Variants in ALMS1 observed in about 807,000 individuals in gnomAD.
ALMS1 encodes centrosome-associated protein ALMS1.
In ALMS1, 271 loss-of-function variants were observed where a neutral mutation model predicts 352.2. That is an observed-to-expected ratio of 0.77 (90% confidence interval 0.70 to 0.85). The LOEUF (loss-of-function observed/expected upper bound fraction) is 0.85. ALMS1 is among the 40% of genes least tolerant of loss of function. The pLI is 0.00. For synonymous variants in ALMS1, 1,865 were observed against 1,761.2 expected (o/e 1.06, Z -1.48); for missense variants, 5,445 against 4,870.7 (o/e 1.12, Z -3.51).
At chr2:73,595,271 T>A (rs1042245452) in intron 16 of ALMS1, among the ~76,000 whole-genome samples, 1 of 152,210 alleles carries the variant, frequency 6.6e-6, no homozygotes, top group African/African-American at 2.4e-5. Flanking sequence ...CAAAATCCAG[T>A]TTTAGAACAT....
At chr2:73,464,231 A>G (rs527714066) in intron 9 of ALMS1, among the ~76,000 whole-genome samples, 15 of 152,278 alleles carry the variant, frequency 9.9e-5, no homozygotes, top group South Asian at 4.1e-4. Context: ...GCAGCACATC[A>G]AAAAGCTTAT....
intron 2 of ALMS1, among the ~76,000 whole-genome samples, chr2:73,417,951 C>G (rs978031906): frequency 6.6e-6 from 1 of 152,134 alleles, no homozygotes; most frequent in Non-Finnish European, 1.5e-5. Context: ...TGTTACTGGT[C>G]TGTCAAGAGG....
chr2:73,589,624 T>G (rs146116503), intron 16 of ALMS1, among the ~76,000 whole-genome samples: 1 of 152,252 alleles, frequency 6.6e-6, no homozygotes. Context: ...ATTTTTGTTA[T>G]GTTGGCTAAG....
intron 5 of ALMS1, among the ~76,000 whole-genome samples, chr2:73,425,145 G>A (rs998735465): frequency 1.3e-5 from 2 of 152,120 alleles, no homozygotes; most frequent in African/African-American, 2.4e-5. Context: ...GGAAAGAAGA[G>A]GAAAAGGGGT....
intron 17 of ALMS1, among the ~76,000 whole-genome samples, 153 bp downstream of exon 17, chr2:73,599,674 T>C (rs976094016): frequency 2.0e-5 from 3 of 152,218 alleles, no homozygotes; most frequent in African/African-American, 7.2e-5. Context: ...AAATTCAAGT[T>C]TGATGGCAAG....
At chr2:73,387,266 A>G (rs558621155) in intron 1 of ALMS1, among the ~76,000 whole-genome samples, 1 of 152,360 alleles carries the variant, frequency 6.6e-6, no homozygotes, top group South Asian at 2.1e-4. Flanking sequence ...TGCTAAGGAA[A>G]GCTTGGTGAA....
chr2:73,528,431 G>T (rs954507030), intron 11 of ALMS1, among the ~76,000 whole-genome samples: 2 of 152,178 alleles, frequency 1.3e-5, no homozygotes, highest in African/African-American at 4.8e-5. Context: ...TATATTTACA[G>T]TTGTTATATC....
chr2:73,426,682 G>GT (rs1671386388), intron 6 of ALMS1, 129 bp downstream of exon 6: 3 of 911,928 alleles, frequency 3.3e-6, no homozygotes, highest in Non-Finnish European at 5.2e-6. Context: ...CATTTGACTG[G>GT]TGAGTACATT....
intron 1 of ALMS1, among the ~76,000 whole-genome samples, chr2:73,387,949 G>A (rs1359266734): frequency 1.3e-5 from 2 of 152,194 alleles, no homozygotes; most frequent in African/African-American, 4.8e-5. Context: ...GGATGTGAAA[G>A]GTGAAGTAGC....
chr2:73,461,416 TA>T (rs1672198473), intron 9 of ALMS1, among the ~76,000 whole-genome samples: 1 of 152,102 alleles, frequency 6.6e-6, no homozygotes, highest in Non-Finnish European at 1.5e-5. Flanking sequence ...GAAGGAAAAC[TA>T]ACAAACAGAA....
intron 7 of ALMS1, among the ~76,000 whole-genome samples, chr2:73,441,544 T>C (rs541294355): frequency 1.3e-5 from 2 of 152,304 alleles, no homozygotes; most frequent in East Asian, 3.9e-4. Context: ...TCTTGGTCCA[T>C]GGCCCACAGA....
intron 2 of ALMS1, among the ~76,000 whole-genome samples, chr2:73,415,510 T>C (rs959942311): frequency 2.0e-5 from 3 of 152,130 alleles, no homozygotes; most frequent in Non-Finnish European, 4.4e-5. Flanking sequence ...ATGGGGATTG[T>C]AGATCTGGTG....
rs1311871252 is a variant in ALMS1, at chr2:73,451,542, T to C, written c.5015T>C (p.Val1672Ala). The C allele has an allele frequency of 2.5e-6, 4 of 1,613,820 alleles. No homozygotes were observed. The highest frequency in any genetic ancestry group is 1.7e-5 in the Admixed American group (1 of 59,992). Reference sequence around the variant, plus strand: ...AGCTACTCAAATAGGGGGAAGCCTGTCATTTTCTACCAGCAGACCCTATCA... The same window carrying C: ...AGCTACTCAAATAGGGGGAAGCCTGCCATTTTCTACCAGCAGACCCTATCA... ...STSYSNRGKP[V>A]IFYQQTLSDS... is the part of the protein sequence containing the mutation. The change falls in exon 8 of 23, where the codon GTC (valine) becomes GCC (alanine). Residue 1672 changes from valine to alanine, a missense_variant. Transcript: ENST00000613296.
In ALMS1 at chr2:73,453,041, C is replaced by G; in HGVS notation, c.6514C>G (p.Leu2172Val). 6.2e-7 allele frequency: 1 copy of G among 1,613,738 alleles called. No individual in the cohort carries two copies. The highest frequency in any genetic ancestry group is 1.3e-5 in the African/African-American group (1 of 75,038). ...AGATGCTCTAAAGATCTCAAGTGCT[C>G]TTGGGCAAGCTGATCAAATTACCGG... ...TEDALKISSA[L>V]GQADQITGLQ... Residue 2172 changes from leucine (L) to valine (V), a missense_variant, in exon 8 of 23, where the codon CTT becomes GTT. Coordinates refer to ENST00000613296, the MANE Select transcript of ALMS1 (RefSeq NM_001378454.1).
intron 13 of ALMS1, among the ~76,000 whole-genome samples, chr2:73,552,389 A>G (rs1262758713): frequency 1.3e-5 from 2 of 152,238 alleles, no homozygotes; most frequent in Non-Finnish European, 2.9e-5. Context: ...CGTGTTTTCC[A>G]CTATCCATAT....
chr2:73,491,555 A>G (rs1200062484), intron 10 of ALMS1, 57 bp downstream of exon 10: 1 of 1,571,092 alleles, frequency 6.4e-7, no homozygotes. Context: ...AAGGGTTTCA[A>G]ATACTTAAGT....
rs186365919 is a variant in ALMS1, at chr2:73,504,652, A to G, written c.9539+13154A>G. Among the ~76,000 whole-genome samples, 173 of 152,264 alleles carry G rather than the reference A, an allele frequency of 1.1e-3. 1 individual carries two copies. The highest frequency in any genetic ancestry group is 3.5e-3 in the African/African-American group (146 of 41,544). On this transcript the variant is annotated intron_variant, in intron 10 of 22. Coordinates refer to ENST00000613296, the MANE Select transcript of ALMS1 (RefSeq NM_001378454.1). ...GTCAGCATTCCATTATTTGGAATTT[A>G]TACAGTATGTTTATCCATTCACCTG...
Position 73,473,368 on chromosome 2 carries a change from A to AAC in ALMS1, c.7675-16264_7675-16263dup, listed in dbSNP as rs1177153054. ...GAGCACAGACTTCAGTTCCATGCAC[A>AAC]ACAAAGAATGTAAGCTTTATGAAAT... On this transcript the variant is annotated intron_variant, in intron 9 of 22. Transcript: ENST00000613296. 3.9e-5 allele frequency among the ~76,000 whole-genome samples: 6 copies of AAC among 152,236 alleles called. No individual in the cohort carries two copies. The East Asian group carries it at 9.7e-4, about 25-fold the overall frequency.
At chr2:73,470,647 A>G (rs747926597) in intron 9 of ALMS1, 2 of 151,810 alleles carry the variant, frequency 1.3e-5, no homozygotes, top group Admixed American at 1.3e-4. Context: ...GTATTCTGCA[A>G]CTGTTAGGTG....
Sources: gnomAD v4.1 joint callset for allele counts (sites outside exome capture counted in the v4.1 genomes callset) on GRCh38, gnomAD v4.1.1 for gene constraint, MANE v1.5 for transcripts, NCBI Gene and HGNC (gene_info 2026-07-23, HGNC 2026-07-21) for gene names.